The following CIITA variants were observed in gnomAD, a reference collection of about 807,000 sequenced individuals.
CIITA encodes class II major histocompatibility complex transactivator, also known as MHC class II transactivator.
Under a neutral mutation model 115.1 loss-of-function variants are expected in CIITA, and 72 were observed. The ratio of observed to expected loss-of-function variants is 0.63; its 90% confidence interval spans 0.52 to 0.76. The LOEUF is 0.76. Ranked by LOEUF, CIITA falls within the 30% of genes least tolerant of loss-of-function variation. CIITA has a pLI of 0.00. For missense variants in CIITA, 1,617 were observed against 1,463.8 expected, an observed-to-expected ratio of 1.10 and a Z score of -1.71; for synonymous variants, 763 against 635.6, an observed-to-expected ratio of 1.20 and a Z score of -3.02.
At chr16:10,908,455 C>T (rs747004262) in intron 11 of CIITA, 2 of 506,310 alleles carry the variant, frequency 4.0e-6, no homozygotes, top group Admixed American at 3.1e-5. Context: ...TTCTTTCCAC[C>T]CCCTGAGCAC....
At chr16:10,911,406 C>T (rs1006426588) in intron 13 of CIITA, among the ~76,000 whole-genome samples, 2 of 144,654 alleles carry the variant, frequency 1.4e-5, no homozygotes, top group Non-Finnish European at 3.0e-5. Flanking sequence ...CTTCCTTCCT[C>T]CCTCCCTATC....
intron 14 of CIITA, among the ~76,000 whole-genome samples, 189 bp downstream of exon 14, chr16:10,915,839 C>A (rs1277749567): frequency 6.6e-6 from 1 of 152,228 alleles, no homozygotes; most frequent in East Asian, 1.9e-4. Flanking sequence ...ATCCTGCCCC[C>A]AAGGCACCTG....
intron 3 of CIITA, among the ~76,000 whole-genome samples, chr16:10,896,404 T>C (rs946086046): frequency 1.2e-4 from 18 of 152,222 alleles, no homozygotes; most frequent in African/African-American, 4.1e-4. Flanking sequence ...TTGGAAGATT[T>C]GCTAAGGCTT....
At chr16:10,883,952 G>C (rs1322002838) in intron 1 of CIITA, among the ~76,000 whole-genome samples, 1 of 152,170 alleles carries the variant, frequency 6.6e-6, no homozygotes, top group Non-Finnish European at 1.5e-5. Context: ...TGAACACTCA[G>C]CACCAGACTG....
chr16:10,893,545 C>T (rs1230060309), intron 1 of CIITA, among the ~76,000 whole-genome samples: 3 of 152,004 alleles, frequency 2.0e-5, no homozygotes. Context: ...ACAGTTCATG[C>T]CTGTAATCCC....
upstream of CIITA, among the ~76,000 whole-genome samples, chr16:10,876,760 G>A (rs1030811977): frequency 2.6e-5 from 4 of 152,194 alleles, no homozygotes; most frequent in African/African-American, 9.7e-5. Context: ...GAGAAATTCA[G>A]GGCAATTTGG....
rs888940678 is a variant in CIITA at position 10,907,140 on chromosome 16, C to T, written c.1648C>T (p.Arg550Trp). Residue 550 changes from arginine (R) to tryptophan (W), a missense_variant, in exon 11 of 20, where the codon CGG becomes TGG. Transcript: ENST00000324288. The surrounding 1 kb of genome is among the most constrained non-coding windows in gnomAD (Gnocchi z 5.0). ...GCTLLLTARP[R>W]GRLVQSLSKA... ...CACCCTCCTCCTCACAGCCCGGCCCCGGGGCCGCCTGGTCCAGAGCCTGAG... is the reference window on the plus strand; with the variant it reads ...CACCCTCCTCCTCACAGCCCGGCCCTGGGGCCGCCTGGTCCAGAGCCTGAG... 11 of 1,612,674 alleles carry T rather than the reference C, an allele frequency of 6.8e-6. No individual in the cohort carries two copies. The highest frequency in any genetic ancestry group is 2.7e-5 in the African/African-American group (2 of 74,900).
At position 10,916,516 on chromosome 16, in the gene CIITA, T is replaced by C. The variant is rs960702995; in HGVS notation, c.3062+57T>C. 23 of 1,441,144 alleles carry C rather than the reference T, an allele frequency of 1.6e-5. No homozygotes were observed. The South Asian group carries it at 2.6e-4, about 17-fold the overall frequency. 89.3% of individuals were successfully genotyped at this position (1,441,144 alleles called of 1,614,324 possible). ...ATCGGGCCCCCAAAGTCCGGCTGAC[T>C]TTTTCAAAATTAATTTAAATTTGTT... On this transcript the variant is annotated intron_variant, in intron 15 of 19. Transcript: ENST00000324288.
chr16:10,913,846 C>G (rs1342062625), intron 13 of CIITA, among the ~76,000 whole-genome samples: 3 of 151,866 alleles, frequency 2.0e-5, no homozygotes, highest in Non-Finnish European at 4.4e-5. Context: ...GAGGCTGAGG[C>G]AGGAGAATCA....
intron 13 of CIITA, among the ~76,000 whole-genome samples, chr16:10,912,630 T>C (rs541949827): frequency 6.6e-6 from 1 of 152,302 alleles, no homozygotes; most frequent in East Asian, 1.9e-4. Flanking sequence ...TCTCTTGTTT[T>C]GAACAGAGAC....
At chr16:10,909,971 G>A (rs1055390415) in intron 12 of CIITA, among the ~76,000 whole-genome samples, 10 of 152,150 alleles carry the variant, frequency 6.6e-5, no homozygotes, top group African/African-American at 2.4e-4. Context: ...CTGGCCTCAA[G>A]CAATCCTCCT....
At chr16:10,903,693 C>A (rs75060428) in intron 8 of CIITA, 38 bp from the exon 9 acceptor site, 1 of 1,612,562 alleles carries the variant, frequency 6.2e-7, no homozygotes, top group Non-Finnish European at 8.5e-7. Flanking sequence ...GGAATCAATA[C>A]CTGGTTATTC....
intron 1 of CIITA, chr16:10,878,984 C>G (rs2036124377): frequency 9.0e-6 from 2 of 222,008 alleles, no homozygotes; most frequent in Admixed American, 1.2e-4. Context: ...TGCCGCGGCC[C>G]CAGAGCTGGC....
rs960991583 is a variant in CIITA at position 10,902,928 on chromosome 16, A to G, written c.772+127A>G. ...CACCTTCTCATGATCCTCCCTCCCC[A>G]GCACAACTTTCTCTGTCCCTATTTC... On this transcript the variant is annotated intron_variant, in intron 8 of 19. Transcript: ENST00000324288. The G allele has an allele frequency of 3.5e-5, 41 of 1,156,756 alleles. No homozygotes were observed. The African/African-American group carries it at 6.1e-4, about 17-fold the overall frequency. 71.7% of individuals were successfully genotyped at this position (1,156,756 alleles called of 1,614,324 possible). A position where few individuals can be genotyped will look rare whatever the true frequency, so the allele number is the denominator to read the frequency against.
intron 12 of CIITA, among the ~76,000 whole-genome samples, chr16:10,909,894 C>T (rs181518043): frequency 3.5e-4 from 53 of 152,112 alleles, no homozygotes; most frequent in African/African-American, 8.9e-4. Flanking sequence ...GTCATCACAC[C>T]GGATGATTTT....
At position 10,902,689 on chromosome 16, in the gene CIITA, G is replaced by A. The variant is rs267604407; in HGVS notation, c.660G>A (p.Leu220=). The A allele has an allele frequency of 1.2e-6, 2 of 1,614,244 alleles. No homozygotes were observed. The highest frequency in any genetic ancestry group is 1.3e-5 in the African/African-American group (1 of 75,054). Residue 220 remains leucine, a synonymous_variant, in exon 8 of 20, where the codon CTG becomes CTA. Transcript: ENST00000324288. ...TCTCCAGTTCCTCGTTGAGCTGCCT[G>A]AATCTCCCTGAGGGACCCATCCAGT... is the stretch of plus-strand genomic sequence containing the variant. ...MPFSSSSLSC[L]NLPEGPIQFV...
chr16:10,915,471 C>A, intron 13 of CIITA, 99 bp from the exon 14 acceptor site: 1 of 927,416 alleles, frequency 1.1e-6, no homozygotes, highest in Non-Finnish European at 1.8e-6. Flanking sequence ...GGGCCTCAGA[C>A]AGGACCTGAC....
chr16:10,922,385 C>T (rs201241273), intron 17 of CIITA, 22 bp from the exon 18 acceptor site: 1 of 1,614,158 alleles, frequency 6.2e-7, no homozygotes, highest in Non-Finnish European at 8.5e-7. Flanking sequence ...GGCCAGGCCC[C>T]AAGGTGAGTT....
intron 5 of CIITA, among the ~76,000 whole-genome samples, chr16:10,900,839 T>C (rs2144508107): frequency 6.6e-6 from 1 of 152,272 alleles, no homozygotes; most frequent in Admixed American, 6.5e-5. Context: ...CTACAATTAA[T>C]GTTGGGTTTT....
Sources: gnomAD v4.1 joint callset for allele counts (sites outside exome capture counted in the v4.1 genomes callset) on GRCh38, gnomAD v4.1.1 for gene constraint, Gnocchi (gnomAD v3.1) non-coding constraint, MANE v1.5 for transcripts, NCBI Gene and HGNC (gene_info 2026-07-23, HGNC 2026-07-21) for gene names.